The following RAPGEF5 variants were observed in gnomAD, a reference collection of about 807,000 sequenced individuals.
The protein encoded by RAPGEF5 is Rap guanine nucleotide exchange factor 5, also known as M-Ras-regulated GEF.
RAPGEF5 carries 65 observed loss-of-function variants against 125.2 expected under a neutral mutation model. The ratio of observed to expected loss-of-function variants is 0.52; its 90% CI spans 0.43 to 0.64. The LOEUF is 0.64. RAPGEF5 is among the 30% of genes least tolerant of loss of function. RAPGEF5 has a pLI of 0.00. For synonymous variants in RAPGEF5, 391 were observed against 385.9 expected, an observed-to-expected ratio of 1.01 and a Z score of -0.16; for missense variants, 958 against 1,048.1, an observed-to-expected ratio of 0.91 and a Z score of 1.19.
rs535021330 is a variant in RAPGEF5, at chr7:22,122,093, T to C, written c.*313A>G. The C allele has an allele frequency of 7.0e-6, 2 of 285,350 alleles. No homozygotes were observed. The highest frequency in any genetic ancestry group is 1.4e-4 in the South Asian group (2 of 14,746). 17.7% of individuals were successfully genotyped at this position (285,350 alleles called of 1,614,324 possible). A position where few individuals can be genotyped will look rare whatever the true frequency, so the allele number is the denominator to read the frequency against. On this transcript the variant is annotated 3_prime_UTR_variant, in exon 26 of 26. Transcript: ENST00000665637. Reference sequence around the variant, plus strand: ...ATGTCAAGACGTTGTCTTGTCTTGATGCTGGCACATCTCATATTGAAAACT... The same window carrying C: ...ATGTCAAGACGTTGTCTTGTCTTGACGCTGGCACATCTCATATTGAAAACT...
At chr7:22,283,332 A>T (rs1420454487) in intron 6 of RAPGEF5, among the ~76,000 whole-genome samples, 2 of 152,220 alleles carry the variant, frequency 1.3e-5, no homozygotes, top group Non-Finnish European at 2.9e-5. Flanking sequence ...GTGTCATTAT[A>T]ATTTTTACAA....
At chr7:22,350,309 T>G (rs912127185) in intron 1 of RAPGEF5, among the ~76,000 whole-genome samples, 11 of 152,222 alleles carry the variant, frequency 7.2e-5, no homozygotes, top group African/African-American at 2.7e-4. Context: ...GTATCAGTAT[T>G]TAGACGCTAC....
At chr7:22,294,117 TGAGA>T (rs71026872) in intron 5 of RAPGEF5, among the ~76,000 whole-genome samples, 1 of 150,942 alleles carries the variant, frequency 6.6e-6, no homozygotes, top group African/African-American at 2.4e-5. Context: ...TGCTCGTGAA[TGAGA>T]GAGAGAGAGA....
chr7:22,246,564 T>G (rs1294042170), intron 7 of RAPGEF5, among the ~76,000 whole-genome samples: 1 of 152,154 alleles, frequency 6.6e-6, no homozygotes, highest in Non-Finnish European at 1.5e-5. Flanking sequence ...TTTTACCATT[T>G]ATAAAAACCA....
At chr7:22,272,835 C>T (rs1782466895) in intron 6 of RAPGEF5, among the ~76,000 whole-genome samples, 1 of 152,178 alleles carries the variant, frequency 6.6e-6, no homozygotes, top group African/African-American at 2.4e-5. Context: ...CAGCTCACTG[C>T]AACCTCTGCC....
At chr7:22,194,487 A>G (rs1785098578) in intron 9 of RAPGEF5, 1 of 700,258 alleles carries the variant, frequency 1.4e-6, no homozygotes, top group Non-Finnish European at 1.8e-6. Flanking sequence ...AGTAAGCCCT[A>G]TTCAGTAGTT....
chr7:22,266,278 C>T (rs896469620), intron 7 of RAPGEF5, among the ~76,000 whole-genome samples: 1 of 152,142 alleles, frequency 6.6e-6, no homozygotes, highest in Non-Finnish European at 1.5e-5. Flanking sequence ...TTCCATTCAG[C>T]ATTGACCTCC....
At chr7:22,220,524 TTAG>T (rs1785760024) in intron 8 of RAPGEF5, among the ~76,000 whole-genome samples, 1 of 152,166 alleles carries the variant, frequency 6.6e-6, no homozygotes, top group Non-Finnish European at 1.5e-5. Context: ...CCATGGGGCA[TTAG>T]TAAAATACCA....
chr7:22,288,387 C>G (rs1456412350), intron 6 of RAPGEF5, among the ~76,000 whole-genome samples: 3 of 152,186 alleles, frequency 2.0e-5, no homozygotes, highest in Non-Finnish European at 4.4e-5. Flanking sequence ...CCAAAATCAC[C>G]TACCTTACTG....
intron 7 of RAPGEF5, among the ~76,000 whole-genome samples, chr7:22,257,281 T>G (rs944493699): frequency 6.6e-6 from 1 of 152,218 alleles, no homozygotes; most frequent in East Asian, 1.9e-4. Context: ...AAGTATTCAA[T>G]AGTTTTAAAA....
chr7:22,162,904 A>G (rs1286164762), intron 12 of RAPGEF5: 1 of 462,412 alleles, frequency 2.2e-6, no homozygotes, highest in Non-Finnish European at 4.3e-6. Flanking sequence ...GGTGAATACT[A>G]TTTCAATACA....
chr7:22,187,468 T>C (rs1392005617), intron 11 of RAPGEF5, among the ~76,000 whole-genome samples: 1 of 152,210 alleles, frequency 6.6e-6, no homozygotes, highest in African/African-American at 2.4e-5. Context: ...TCAGAAGCAT[T>C]CTTGGCTGTG....
At chr7:22,321,215 GA>G (rs1368095984) in intron 1 of RAPGEF5, among the ~76,000 whole-genome samples, 1 of 151,720 alleles carries the variant, frequency 6.6e-6, no homozygotes, top group East Asian at 1.9e-4. Context: ...TGTAAACTAG[GA>G]AATTGCAATC....
At chr7:22,210,245 C>T (rs1219010231) in intron 9 of RAPGEF5, among the ~76,000 whole-genome samples, 1 of 152,204 alleles carries the variant, frequency 6.6e-6, no homozygotes, top group Non-Finnish European at 1.5e-5. Flanking sequence ...AAAGTGATAG[C>T]ATCCAGCAAT....
At chr7:22,305,892 T>C (rs2128151773) in intron 5 of RAPGEF5, among the ~76,000 whole-genome samples, 1 of 152,354 alleles carries the variant, frequency 6.6e-6, no homozygotes, top group East Asian at 1.9e-4. Flanking sequence ...TCTCATTCTT[T>C]TTTATGGCTG....
chr7:22,130,267 C>T (rs771935257), intron 24 of RAPGEF5, among the ~76,000 whole-genome samples: 21 of 152,176 alleles, frequency 1.4e-4, no homozygotes, highest in Admixed American at 6.5e-4. Flanking sequence ...TGGAGTACTT[C>T]TATTTTACAG....
chr7:22,128,554 TAAGA>T (rs1782818052), intron 24 of RAPGEF5, among the ~76,000 whole-genome samples: 1 of 152,242 alleles, frequency 6.6e-6, no homozygotes, highest in African/African-American at 2.4e-5. Flanking sequence ...AGTCCTTTAC[TAAGA>T]AATATTCCTT....
chr7:22,277,666 T>A (rs992443674), intron 6 of RAPGEF5, among the ~76,000 whole-genome samples: 3 of 152,164 alleles, frequency 2.0e-5, no homozygotes, highest in Non-Finnish European at 4.4e-5. Flanking sequence ...TTGCTGGTTG[T>A]CACCCGGAAG....
At chr7:22,184,395 C>T (rs578116715) in intron 11 of RAPGEF5, among the ~76,000 whole-genome samples, 1 of 152,290 alleles carries the variant, frequency 6.6e-6, no homozygotes, top group Admixed American at 6.5e-5. Context: ...AAAACTGTAA[C>T]ATTTGCATAA....
Sources: gnomAD v4.1 joint callset for allele counts (sites outside exome capture counted in the v4.1 genomes callset) on GRCh38, gnomAD v4.1.1 for gene constraint, MANE v1.5 for transcripts, NCBI Gene and HGNC (gene_info 2026-07-23, HGNC 2026-07-21) for gene names.